DHRS3: variants seen among roughly 807,000 people sequenced by gnomAD.
The protein encoded by DHRS3 is short-chain dehydrogenase/reductase 3.
In DHRS3, 14 loss-of-function variants were observed where a neutral mutation model predicts 27.2. That is an observed-to-expected ratio of 0.52 (90% CI 0.34 to 0.81). DHRS3 has a LOEUF of 0.81. DHRS3 is among the 30% of genes least tolerant of loss of function. DHRS3 has a pLI of 0.01. For synonymous variants in DHRS3, 165 were observed against 175.9 expected, an observed-to-expected ratio of 0.94 and a Z score of 0.49; for missense variants, 322 against 406.2, an observed-to-expected ratio of 0.79 and a Z score of 1.78.
chr1:12,583,717 A>G (rs1570368717), intron 1 of DHRS3, among the ~76,000 whole-genome samples: 1 of 129,140 alleles, frequency 7.7e-6, no homozygotes, highest in East Asian at 2.3e-4. Flanking sequence ...CACCTACCCT[A>G]CTCCATCCAT....
intron 1 of DHRS3, among the ~76,000 whole-genome samples, chr1:12,601,171 T>C (rs1365951024): frequency 6.6e-6 from 1 of 151,844 alleles, no homozygotes; most frequent in Non-Finnish European, 1.5e-5. Flanking sequence ...GCTCATTGTA[T>C]CCCCCCATCT....
At position 12,606,646 on chromosome 1, in the gene DHRS3, T is replaced by G. The variant is rs1646873603; in HGVS notation, c.195+10508A>C. 4.6e-5 allele frequency among the ~76,000 whole-genome samples: 7 copies of G among 151,910 alleles called. No individual in the cohort carries two copies. The South Asian group carries it at 1.5e-3, about 32-fold the overall frequency. Reference sequence around the variant, plus strand: ...CTGAGATTACAGGCATGTGCCACCATGCCAAGCTAATTTTTTTTTTTTGTA... The same window carrying G: ...CTGAGATTACAGGCATGTGCCACCAGGCCAAGCTAATTTTTTTTTTTTGTA... On this transcript the variant is annotated intron_variant, in intron 1 of 5. Transcript: ENST00000616661.
intron 1 of DHRS3, among the ~76,000 whole-genome samples, chr1:12,604,741 C>T (rs1217550629): frequency 6.6e-6 from 1 of 152,218 alleles, no homozygotes; most frequent in Admixed American, 6.5e-5. Flanking sequence ...ACGGCCACTT[C>T]ACCTGGATCT....
chr1:12,581,105 G>A (rs1405917606), intron 1 of DHRS3, among the ~76,000 whole-genome samples: 2 of 152,248 alleles, frequency 1.3e-5, no homozygotes, highest in Admixed American at 1.3e-4. Context: ...GGGATTACAG[G>A]TATGAGCCAC....
chr1:12,611,656 C>T (rs748669830), intron 1 of DHRS3, among the ~76,000 whole-genome samples: 12 of 152,108 alleles, frequency 7.9e-5, no homozygotes, highest in Non-Finnish European at 1.2e-4. Flanking sequence ...CCTGGCAATC[C>T]GTTGCTTTCT....
In DHRS3 at chr1:12,617,369, G is replaced by A; in HGVS notation, c.-21C>T. On this transcript the variant is annotated 5_prime_UTR_variant, in exon 1 of 6. Coordinates refer to ENST00000616661, the MANE Select transcript of DHRS3 (RefSeq NM_004753.7). Reference sequence around the variant, plus strand: ...ACCATCCTCCGCGCCGCGGAGCCGGGCAGGGGGCGAAACTCCCCGGGCCGA... The same window carrying A: ...ACCATCCTCCGCGCCGCGGAGCCGGACAGGGGGCGAAACTCCCCGGGCCGA... 1 of 1,591,964 alleles carries A rather than the reference G, an allele frequency of 6.3e-7. No individual in the cohort carries two copies. The highest frequency in any genetic ancestry group is 8.6e-7 in the Non-Finnish European group (1 of 1,163,834).
At position 12,593,720 on chromosome 1, in the gene DHRS3, A is replaced by T. The variant is rs893824612; in HGVS notation, c.196-13054T>A. Reference sequence around the variant, plus strand: ...AATGCTAAAACCACGCCCTGCCAAGAGCCAGTACGTGACAACTGGGCAGTC... The same window carrying T: ...AATGCTAAAACCACGCCCTGCCAAGTGCCAGTACGTGACAACTGGGCAGTC... On this transcript the variant is annotated intron_variant, in intron 1 of 5. Transcript: ENST00000616661. The surrounding 1 kb of genome is among the most constrained non-coding windows in gnomAD (Gnocchi z 4.6). Among the ~76,000 whole-genome samples, 1 of 152,156 alleles carries T rather than the reference A, an allele frequency of 6.6e-6. No individual in the cohort carries two copies. Among genetic ancestry groups the T allele is most frequent in the Non-Finnish European group, 1.5e-5 (1 of 68,030 alleles).
Position 12,582,637 on chromosome 1 carries a change from G to A in DHRS3, c.196-1971C>T, listed in dbSNP as rs1231391125. ...AACATTTGTTCCAGGCAGGCAATTT[G>A]GTGTAGGCCTCCTCCACTCCTCTGG... On this transcript the variant is annotated intron_variant, in intron 1 of 5. Transcript: ENST00000616661. Among the ~76,000 whole-genome samples, 5 of 152,052 alleles carry A rather than the reference G, an allele frequency of 3.3e-5. No homozygotes were observed. In the East Asian group the frequency reaches 9.6e-4, roughly 29 times the overall value.
intron 4 of DHRS3, among the ~76,000 whole-genome samples, chr1:12,577,851 A>G (rs1053584418): frequency 1.3e-5 from 2 of 152,132 alleles, no homozygotes; most frequent in African/African-American, 2.4e-5. Context: ...CAAACAAATA[A>G]ATTGAGCTAT....
rs572612158 is a variant in DHRS3, at chr1:12,595,790, A to G, written c.196-15124T>C. ...GATCCCGGGTGCAGCTGGGGAGGGG[A>G]CAGGGTAGGTGGCTGCAGAAGGGGG... On this transcript the variant is annotated intron_variant, in intron 1 of 5. Transcript: ENST00000616661. Among the ~76,000 whole-genome samples the G allele has an allele frequency of 2.2e-4, 32 of 143,128 alleles. No individual in the cohort carries two copies. The South Asian group carries it at 6.0e-3, about 27-fold the overall frequency. The allele number at this position is 143,128 out of a possible 152,430, so 93.9% of individuals were successfully genotyped here.
At chr1:12,576,568 AAAAAC>A (rs1553138403) in intron 4 of DHRS3, among the ~76,000 whole-genome samples, 1 of 151,602 alleles carries the variant, frequency 6.6e-6, no homozygotes, top group South Asian at 2.1e-4. Flanking sequence ...TCTTAAAAAA[AAAAAC>A]AAAACAAAAC....
chr1:12,579,757 G>A (rs1245989814), intron 2 of DHRS3: 4 of 238,960 alleles, frequency 1.7e-5, no homozygotes, highest in Non-Finnish European at 3.3e-5. Flanking sequence ...ACAGGTGTGA[G>A]CCACCGCACC....
At chr1:12,616,494 G>T (rs1214090765) in intron 1 of DHRS3, 30 of 917,960 alleles carry the variant, frequency 3.3e-5, no homozygotes, top group Non-Finnish European at 3.5e-5. Context: ...TCCCTGGGGG[G>T]TGTACTGGGG....
intron 1 of DHRS3, chr1:12,616,482 G>A: frequency 2.3e-6 from 2 of 876,044 alleles, no homozygotes; most frequent in Middle Eastern, 5.7e-4. Context: ...AATGGGGAGG[G>A]ATCCCTGGGG....
At chr1:12,603,502 C>T (rs918584272) in intron 1 of DHRS3, among the ~76,000 whole-genome samples, 4 of 152,214 alleles carry the variant, frequency 2.6e-5, no homozygotes, top group Non-Finnish European at 5.9e-5. Context: ...ACCCTCCCTG[C>T]TCCATCTCCC....
chr1:12,574,946 C>G lies in DHRS3; in HGVS notation c.699-2093G>C, dbSNP rs888376847. 2.6e-5 allele frequency among the ~76,000 whole-genome samples: 4 copies of G among 152,178 alleles called. No homozygotes were observed. The highest frequency in any genetic ancestry group is 4.4e-5 in the Non-Finnish European group (3 of 68,036). On this transcript the variant is annotated intron_variant, in intron 4 of 5. Coordinates refer to ENST00000616661, the MANE Select transcript of DHRS3 (RefSeq NM_004753.7). The surrounding 1 kb of genome is among the most constrained non-coding windows in gnomAD (Gnocchi z 4.6). ...CATCTGTAAAATGGGAATAAAAGCT[C>G]TCTTCCAGGGTTGCTGTGAGGGCCA...
chr1:12,609,304 C>T (rs868778705), intron 1 of DHRS3, among the ~76,000 whole-genome samples: 24 of 152,168 alleles, frequency 1.6e-4, no homozygotes, highest in Non-Finnish European at 2.6e-4. Flanking sequence ...TTCCTCAGAG[C>T]CGTGTCACCC....
At chr1:12,581,286 TAG>T (rs1646641633) in intron 1 of DHRS3, among the ~76,000 whole-genome samples, 1 of 152,394 alleles carries the variant, frequency 6.6e-6, no homozygotes, top group Admixed American at 6.5e-5. Context: ...CCTGTAAATG[TAG>T]AGGCAACAGC....
intron 1 of DHRS3, among the ~76,000 whole-genome samples, chr1:12,606,868 G>A (rs1270381463): frequency 6.6e-6 from 1 of 152,150 alleles, no homozygotes; most frequent in Non-Finnish European, 1.5e-5. Context: ...AAGAGAGGAT[G>A]AAGCATTAAC....
Sources: allele counts gnomAD v4.1 joint callset (sites outside exome capture counted in the v4.1 genomes callset), GRCh38; gene constraint gnomAD v4.1.1; non-coding constraint Gnocchi (gnomAD v3.1); transcripts MANE v1.5; gene names NCBI Gene and HGNC (gene_info 2026-07-23, HGNC 2026-07-21).